BPIFC: variants seen among roughly 807,000 people sequenced by gnomAD.
The protein encoded by BPIFC is BPI fold-containing family C protein.
BPIFC carries 60 observed loss-of-function variants against 57.6 expected under a neutral mutation model. The observed-to-expected ratio is 1.04, with a 90% CI of 0.85 to 1.29. BPIFC has a LOEUF of 1.29. Ranked by LOEUF, BPIFC falls within the 50% of genes most tolerant of loss-of-function variation. The pLI is 0.00. For missense variants in BPIFC, 581 were observed against 600.5 expected (o/e 0.97, Z 0.34); for synonymous variants, 243 against 224.5 (o/e 1.08, Z -0.74).
rs368067954 is a variant in BPIFC, at chr22:32,457,233, A to G, written c.124+30T>C. 1.2e-5 allele frequency: 19 copies of G among 1,577,956 alleles called. No homozygotes were observed. In the African/African-American group the frequency reaches 2.2e-4, roughly 18 times the overall value. ...TCACAGACCCCACCTAGTGGGCCTG[A>G]GGTCTGGCTTCTGAAAACATCCAAC... is the stretch of plus-strand genomic sequence containing the variant. On this transcript the variant is annotated intron_variant, in intron 3 of 16. Coordinates refer to ENST00000300399, the MANE Select transcript of BPIFC (RefSeq NM_174932.3).
At chr22:32,414,555 C>G (rs912180945) in intron 16 of BPIFC, 130 bp from the exon 17 acceptor site, 3 of 1,193,644 alleles carry the variant, frequency 2.5e-6, no homozygotes, top group Non-Finnish European at 3.4e-6. Flanking sequence ...AGGCTGTCGC[C>G]CAGGCTGGAG....
intron 2 of BPIFC, among the ~76,000 whole-genome samples, chr22:32,460,981 C>T (rs1877753433): frequency 6.6e-6 from 1 of 152,204 alleles, no homozygotes; most frequent in Non-Finnish European, 1.5e-5. Flanking sequence ...ATGTATTACA[C>T]TTCTTTACAG....
Position 32,436,165 on chromosome 22 carries a change from G to A in BPIFC, c.748-285C>T, listed in dbSNP as rs185843308. Among the ~76,000 whole-genome samples, 145 of 152,154 alleles carry A rather than the reference G, an allele frequency of 9.5e-4. 2 individuals carry two copies. The highest frequency in any genetic ancestry group is 3.0e-3 in the African/African-American group (126 of 41,500). ...AAAAATTAGCCAGGTGTGGTGGCGCGTACCTGTAGTTCCGGCTACTTGGGA... is the reference window on the plus strand; with the variant it reads ...AAAAATTAGCCAGGTGTGGTGGCGCATACCTGTAGTTCCGGCTACTTGGGA... On this transcript the variant is annotated intron_variant, in intron 9 of 16. Coordinates refer to ENST00000300399, the MANE Select transcript of BPIFC (RefSeq NM_174932.3).
At chr22:32,464,263 T>C (rs8135723) in intron 1 of BPIFC, 111 bp downstream of exon 1, 169,378 of 347,792 alleles carry the variant, frequency 0.49, 44,112 homozygotes, top group Non-Finnish European at 0.56. Flanking sequence ...ACAATAATAA[T>C]AACCCAGGAT....
At chr22:32,432,603 A>C in intron 11 of BPIFC, 60 bp from the exon 12 acceptor site, 4 of 1,552,656 alleles carry the variant, frequency 2.6e-6, no homozygotes, top group Non-Finnish European at 2.7e-6. Context: ...AAGGGAGATC[A>C]CAAGGTTAGG....
At chr22:32,434,516 AT>A (rs1459304152) in intron 10 of BPIFC, among the ~76,000 whole-genome samples, 2 of 150,526 alleles carry the variant, frequency 1.3e-5, no homozygotes, top group Non-Finnish European at 3.0e-5. Context: ...CATAGTCTTT[AT>A]TTATATATAT....
intron 1 of BPIFC, among the ~76,000 whole-genome samples, chr22:32,462,764 G>C (rs1436853031): frequency 6.6e-6 from 1 of 152,188 alleles, no homozygotes; most frequent in African/African-American, 2.4e-5. Context: ...ATACATGCTA[G>C]GGTTTTCATT....
At chr22:32,427,558 C>T (rs1258354962) in intron 13 of BPIFC, among the ~76,000 whole-genome samples, 1 of 152,146 alleles carries the variant, frequency 6.6e-6, no homozygotes, top group Non-Finnish European at 1.5e-5. Context: ...TGTTTCCCAA[C>T]AGACTGAGCA....
At chr22:32,452,593 G>A (rs1052023208) in intron 4 of BPIFC, among the ~76,000 whole-genome samples, 3 of 151,112 alleles carry the variant, frequency 2.0e-5, no homozygotes, top group African/African-American at 7.3e-5. Flanking sequence ...AGCCGAGATC[G>A]CGCCACTGCA....
chr22:32,445,566 T>C, intron 7 of BPIFC, 69 bp downstream of exon 7: 2 of 1,410,196 alleles, frequency 1.4e-6, no homozygotes, highest in East Asian at 2.3e-5. Flanking sequence ...CAAAAAAGAA[T>C]TAATTAAAGG....
At chr22:32,420,645 A>T (rs1933820819) in intron 13 of BPIFC, among the ~76,000 whole-genome samples, 1 of 152,244 alleles carries the variant, frequency 6.6e-6, no homozygotes, top group Non-Finnish European at 1.5e-5. Flanking sequence ...ATGAATAAGA[A>T]TATGTGAAAT....
chr22:32,450,048 C>T lies in BPIFC; in HGVS notation c.246-2708G>A, dbSNP rs1934847970. On this transcript the variant is annotated intron_variant, in intron 4 of 16. Coordinates refer to ENST00000300399, the MANE Select transcript of BPIFC (RefSeq NM_174932.3). ...CACGCCCAGCCGTGTACATGTACTT[C>T]TCTAAGGAGGATGCTGAGCAGTGGA... Among the ~76,000 whole-genome samples, 5 of 151,436 alleles carry T rather than the reference C, an allele frequency of 3.3e-5. 1 individual carries two copies. In the South Asian group the frequency reaches 1.0e-3, roughly 32 times the overall value.
intron 13 of BPIFC, among the ~76,000 whole-genome samples, chr22:32,426,422 C>T (rs1934068912): frequency 6.6e-6 from 1 of 152,176 alleles, no homozygotes; most frequent in African/African-American, 2.4e-5. Flanking sequence ...GCCTTGGCTC[C>T]TCTGCAAAGT....
At chr22:32,437,457 C>G (rs1488405958) in intron 9 of BPIFC, among the ~76,000 whole-genome samples, 1 of 152,222 alleles carries the variant, frequency 6.6e-6, no homozygotes, top group East Asian at 1.9e-4. Flanking sequence ...GTGGTATGAT[C>G]TCGGCTCACT....
chr22:32,425,944 G>A (rs1393561250), intron 13 of BPIFC, among the ~76,000 whole-genome samples: 1 of 152,202 alleles, frequency 6.6e-6, no homozygotes, highest in Non-Finnish European at 1.5e-5. Context: ...AGGAAATGGA[G>A]TCCAAGAGAG....
At chr22:32,445,266 G>T (rs182153554) in intron 7 of BPIFC, among the ~76,000 whole-genome samples, 1 of 152,152 alleles carries the variant, frequency 6.6e-6, no homozygotes, top group Non-Finnish European at 1.5e-5. Context: ...GGCCAGGCGC[G>T]GTGGCTCATG....
chr22:32,424,753 C>CTCTTCTTCTTCTTCTTCTTCTTCTTCT (rs1556036707), intron 13 of BPIFC, among the ~76,000 whole-genome samples: 2 of 35,490 alleles, frequency 5.6e-5, no homozygotes, highest in African/African-American at 4.1e-4. Flanking sequence ...CTTCTTCTTC[C>CTCTTCTTCTTCTTCTTCTTCTTCTTCT]TCTTCTTCTT....
chr22:32,445,712 T>TCA lies in BPIFC; in HGVS notation c.531-15_531-14insTG. On this transcript the variant is annotated splice_polypyrimidine_tract_variant and intron_variant, in intron 6 of 16. Transcript: ENST00000300399. ...TTATACAGAACACTGAGGAAAAAAA[T>TCA]GAAAAAAAAAAAAAAAAAAAAAAGA... The TCA allele has an allele frequency of 6.5e-5, 11 of 169,390 alleles. No homozygotes were observed. The highest frequency in any genetic ancestry group is 8.9e-5 in the Non-Finnish European group (11 of 123,352). The allele number at this position is 169,390 out of a possible 1,614,324, so 10.5% of individuals were successfully genotyped here. A position where few individuals can be genotyped will look rare whatever the true frequency, so the allele number is the denominator to read the frequency against.
chr22:32,414,068 AACATAAAC>A lies in BPIFC; in HGVS notation c.*227_*234del, dbSNP rs1933598189. On this transcript the variant is annotated 3_prime_UTR_variant, in exon 17 of 17. Coordinates refer to ENST00000300399, the MANE Select transcript of BPIFC (RefSeq NM_174932.3). ...CTTTCTTGCCCCAAACAAACAAACAAACATAAACACAGACACACGCAGCATGCATACAC... is the reference window on the plus strand; with the variant it reads ...CTTTCTTGCCCCAAACAAACAAACAAACAGACACACGCAGCATGCATACAC... The A allele has an allele frequency of 3.1e-6, 1 of 321,498 alleles. No homozygotes were observed. The allele number at this position is 321,498 out of a possible 1,614,324, so 19.9% of individuals were successfully genotyped here.
Sources: gnomAD v4.1 joint callset for allele counts (sites outside exome capture counted in the v4.1 genomes callset) on GRCh38, gnomAD v4.1.1 for gene constraint, MANE v1.5 for transcripts, NCBI Gene and HGNC (gene_info 2026-07-23, HGNC 2026-07-21) for gene names.